Variants in PPFIA3 observed in about 807,000 individuals in gnomAD.
PPFIA3 encodes liprin-alpha-3.
A neutral mutation model predicts 145.8 loss-of-function variants in PPFIA3; 26 were observed. The ratio of observed to expected loss-of-function variants is 0.18; its 90% confidence interval spans 0.13 to 0.25. The LOEUF (loss-of-function observed/expected upper bound fraction) is 0.25. Ranked by LOEUF, PPFIA3 falls within the 10% of genes least tolerant of loss-of-function variation. The pLI, the probability that PPFIA3 is intolerant of heterozygous loss-of-function variation, is 1.00. For missense variants in PPFIA3, 1,008 were observed against 1,587.8 expected (o/e 0.63, Z 6.21); for synonymous variants, 645 against 661.4 (o/e 0.98, Z 0.38).
chr19:49,128,732 T>G lies in PPFIA3; in HGVS notation c.343-116T>G. ...CTCTTTTCCTGACCTGTCTCGGTGCTCCTTTATATGGCTCCATCTTTTCCT... is the reference window on the plus strand; with the variant it reads ...CTCTTTTCCTGACCTGTCTCGGTGCGCCTTTATATGGCTCCATCTTTTCCT... On this transcript the variant is annotated intron_variant, in intron 3 of 29. Transcript: ENST00000334186. This position sits in a 1 kb window ranked among gnomAD's most constrained non-coding sequence, Gnocchi z 4.1. The G allele has an allele frequency of 9.3e-7, 1 of 1,070,308 alleles. No homozygotes were observed. The highest frequency in any genetic ancestry group is 1.6e-5 in the South Asian group (1 of 63,694). The allele number at this position is 1,070,308 out of a possible 1,614,324, so 66.3% of individuals were successfully genotyped here.
rs1004739799 is a variant in PPFIA3 at position 49,120,525 on chromosome 19, GC to G, written c.-16+807del. Among the ~76,000 whole-genome samples the G allele has an allele frequency of 6.6e-6, 1 of 152,122 alleles. No homozygotes were observed. Among genetic ancestry groups the G allele is most frequent in the African/African-American group, 2.4e-5 (1 of 41,410 alleles). On this transcript the variant is annotated intron_variant, in intron 1 of 29. Coordinates refer to ENST00000334186, the MANE Select transcript of PPFIA3 (RefSeq NM_003660.4). This position sits in a 1 kb window ranked among gnomAD's most constrained non-coding sequence, Gnocchi z 4.6. ...CCTGTCCGTGTCTACACCTCTGCTG[GC>G]CCCAGGTGGTAGCCCTCACCCCGTC...
chr19:49,133,738 C>T lies in PPFIA3; in HGVS notation c.1162-58C>T. ...GCGCTCAGCCTTGGAGGAGGTGGGG[C>T]TGGGAGCCTGACTGATCCTGGAAGG... is the stretch of plus-strand genomic sequence containing the variant. On this transcript the variant is annotated intron_variant, in intron 9 of 29. Coordinates refer to ENST00000334186, the MANE Select transcript of PPFIA3 (RefSeq NM_003660.4). This position sits in a 1 kb window ranked among gnomAD's most constrained non-coding sequence, Gnocchi z 7.2. The T allele has an allele frequency of 1.3e-6, 2 of 1,554,512 alleles. No homozygotes were observed. Among genetic ancestry groups the T allele is most frequent in the Admixed American group, 3.5e-5 (2 of 56,622 alleles).
chr19:49,131,697 C>CT lies in PPFIA3; in HGVS notation c.879+1101dup, dbSNP rs549666774. On this transcript the variant is annotated intron_variant, in intron 7 of 29. Coordinates refer to ENST00000334186, the MANE Select transcript of PPFIA3 (RefSeq NM_003660.4). ...ATTAGCCGGGCGTGGTGGTGGGTGCCTTTAGTCCCAGCCACTAGAGAGGCT... is the reference window on the plus strand; with the variant it reads ...ATTAGCCGGGCGTGGTGGTGGGTGCCTTTTAGTCCCAGCCACTAGAGAGGCT... Among the ~76,000 whole-genome samples, 426 of 151,892 alleles carry CT rather than the reference C, an allele frequency of 2.8e-3. 1 individual carries two copies. Among genetic ancestry groups the CT allele is most frequent in the Non-Finnish European group, 4.7e-3 (319 of 67,960 alleles).
rs751131983 is a variant in PPFIA3 at position 49,141,525 on chromosome 19, TGA to T, written c.2462+14_2462+15del. On this transcript the variant is annotated intron_variant, in intron 19 of 29. Coordinates refer to ENST00000334186, the MANE Select transcript of PPFIA3 (RefSeq NM_003660.4). ...AGGAACAAGAGGAAGTGAGTGTGTG[TGA>T]GTGTGAGCGTGTGTGTGTGTATGTG... The T allele has an allele frequency of 2.5e-6, 4 of 1,607,010 alleles. No individual in the cohort carries two copies. Among genetic ancestry groups the T allele is most frequent in the Non-Finnish European group, 3.4e-6 (4 of 1,173,914 alleles).
intron 1 of PPFIA3, among the ~76,000 whole-genome samples, chr19:49,125,939 TTTTG>T (rs1487965527): frequency 4.7e-5 from 7 of 150,480 alleles, no homozygotes; most frequent in Non-Finnish European, 5.9e-5. Flanking sequence ...TTTTGTTTTT[TTTTG>T]TTTGTTTGTT....
At chr19:49,127,722 TG>T in intron 1 of PPFIA3, 136 bp from the exon 2 acceptor site, 1 of 999,212 alleles carries the variant, frequency 1.0e-6, no homozygotes, top group Non-Finnish European at 1.4e-6. Context: ...TCACAGTGCC[TG>T]GGCCTCAGTT....
Position 49,146,200 on chromosome 19 carries a change from G to C in PPFIA3, c.2835+8G>C, listed in dbSNP as rs765154049. The stretch of plus-strand genomic sequence containing the variant: ...GAGATCAGCTGGGAGCAGGTAGGGG[G>C]CGCGGGGCGGGGCGTGAGCGCATGA... On this transcript the variant is annotated splice_region_variant and intron_variant, in intron 23 of 29. Coordinates refer to ENST00000334186, the MANE Select transcript of PPFIA3 (RefSeq NM_003660.4). 1 of 1,613,760 alleles carries C rather than the reference G, an allele frequency of 6.2e-7. No individual in the cohort carries two copies. The highest frequency in any genetic ancestry group is 8.5e-7 in the Non-Finnish European group (1 of 1,179,894).
At chr19:49,147,686 A>AAGAAAGAGAG (rs1555745404) in intron 23 of PPFIA3, among the ~76,000 whole-genome samples, 1 of 145,710 alleles carries the variant, frequency 6.9e-6, no homozygotes. Context: ...CTCTTTCAGA[A>AAGAAAGAGAG]AGAGAGAGAG....
Position 49,146,203 on chromosome 19 carries a change from C to T in PPFIA3, c.2835+11C>T. 2 of 1,613,270 alleles carry T rather than the reference C, an allele frequency of 1.2e-6. No individual in the cohort carries two copies. Among genetic ancestry groups the T allele is most frequent in the Non-Finnish European group, 1.7e-6 (2 of 1,179,714 alleles). ...ATCAGCTGGGAGCAGGTAGGGGGCG[C>T]GGGGCGGGGCGTGAGCGCATGAACA... On this transcript the variant is annotated intron_variant, in intron 23 of 29. Transcript: ENST00000334186.
In PPFIA3 at chr19:49,149,466, C is replaced by G. The variant is rs545109410; in HGVS notation, c.3355-81C>G. On this transcript the variant is annotated intron_variant, in intron 27 of 29. Transcript: ENST00000334186. This position sits in a 1 kb window ranked among gnomAD's most constrained non-coding sequence, Gnocchi z 5.7. ...GCGGGGTTAAAGGAGAGGTGAGACC[C>G]GGAGAGGGGTGGAGTCAAAGGAAGG... is the stretch of plus-strand genomic sequence containing the variant. The G allele has an allele frequency of 3.8e-6, 6 of 1,590,352 alleles. No homozygotes were observed. The highest frequency in any genetic ancestry group is 4.3e-6 in the Non-Finnish European group (5 of 1,161,678).
At chr19:49,127,763 A>T (rs533176554) in intron 1 of PPFIA3, 96 bp from the exon 2 acceptor site, 1 of 1,451,074 alleles carries the variant, frequency 6.9e-7, no homozygotes, top group South Asian at 1.3e-5. Context: ...TTTGCCCCCA[A>T]CTATTTCCCC....
At chr19:49,121,755 G>A (rs965424672) in intron 1 of PPFIA3, among the ~76,000 whole-genome samples, 1 of 152,010 alleles carries the variant, frequency 6.6e-6, no homozygotes, top group Admixed American at 6.6e-5. Flanking sequence ...CAGCCTGAAC[G>A]ACAAGAGCGA....
At chr19:49,134,359 A>C (rs1220239536) in intron 11 of PPFIA3, among the ~76,000 whole-genome samples, 194 bp downstream of exon 11, 1 of 152,156 alleles carries the variant, frequency 6.6e-6, no homozygotes, top group Non-Finnish European at 1.5e-5. Flanking sequence ...CAAGAGCCGA[A>C]TTCTGGGGCA....
In PPFIA3 at chr19:49,128,117, TGGGCGGGACAGGGGC is replaced by T. The variant is rs778622915; in HGVS notation, c.240+8_240+22del. On this transcript the variant is annotated splice_donor_5th_base_variant and intron_variant, in intron 2 of 29. Coordinates refer to ENST00000334186, the MANE Select transcript of PPFIA3 (RefSeq NM_003660.4). This position sits in a 1 kb window ranked among gnomAD's most constrained non-coding sequence, Gnocchi z 4.1. ...GCTCAGCATCGCGCTGCCCCAGGTCTGGGCGGGACAGGGGCGGGGCATGAGGGGGCGGGGCCTCGG... is the reference window on the plus strand; with the variant it reads ...GCTCAGCATCGCGCTGCCCCAGGTCTGGGGCATGAGGGGGCGGGGCCTCGG... The T allele has an allele frequency of 1.1e-4, 74 of 692,400 alleles. No individual in the cohort carries two copies. Among genetic ancestry groups the T allele is most frequent in the Non-Finnish European group, 1.5e-4 (71 of 487,814 alleles). 42.9% of individuals were successfully genotyped at this position (692,400 alleles called of 1,614,324 possible).
intron 21 of PPFIA3, 183 bp from the exon 22 acceptor site, chr19:49,145,760 T>C: frequency 1.6e-6 from 1 of 619,980 alleles, no homozygotes; most frequent in South Asian, 1.9e-5. Flanking sequence ...AACTCCAAAG[T>C]CACATTGCCT....
At position 49,128,138 on chromosome 19, in the gene PPFIA3, A is replaced by C. The variant is rs1340319658; in HGVS notation, c.240+25A>C. ...GGTCTGGGCGGGACAGGGGCGGGGCATGAGGGGGCGGGGCCTCGGGGGGAA... is the reference window on the plus strand; with the variant it reads ...GGTCTGGGCGGGACAGGGGCGGGGCCTGAGGGGGCGGGGCCTCGGGGGGAA... On this transcript the variant is annotated intron_variant, in intron 2 of 29. Transcript: ENST00000334186. This position sits in a 1 kb window ranked among gnomAD's most constrained non-coding sequence, Gnocchi z 4.1. 4.1e-6 allele frequency: 2 copies of C among 491,084 alleles called. No homozygotes were observed. Among genetic ancestry groups the C allele is most frequent in the African/African-American group, 2.1e-5 (1 of 47,740 alleles). 30.4% of individuals were successfully genotyped at this position (491,084 alleles called of 1,614,324 possible).
intron 23 of PPFIA3, among the ~76,000 whole-genome samples, chr19:49,147,393 T>TA (rs2041292315): frequency 6.6e-6 from 1 of 151,852 alleles, no homozygotes; most frequent in South Asian, 2.1e-4. Context: ...CTCTAAAAAA[T>TA]AAACAAATAC....
At chr19:49,141,615 T>TGA (rs919834150) in intron 19 of PPFIA3, 102 bp downstream of exon 19, 28 of 912,780 alleles carry the variant, frequency 3.1e-5, no homozygotes, top group African/African-American at 3.4e-5. Flanking sequence ...TGTGTGTGTG[T>TGA]GAGAGGGTGT....
chr19:49,122,878 C>T (rs1441632309), intron 1 of PPFIA3, among the ~76,000 whole-genome samples: 7 of 151,662 alleles, frequency 4.6e-5, no homozygotes, highest in South Asian at 2.1e-4. Context: ...CCCACCACCA[C>T]GCCCGGCTAA....
Sources: allele counts gnomAD v4.1 joint callset (sites outside exome capture counted in the v4.1 genomes callset), GRCh38; gene constraint gnomAD v4.1.1; non-coding constraint Gnocchi (gnomAD v3.1); transcripts MANE v1.5; gene names NCBI Gene and HGNC (gene_info 2026-07-23, HGNC 2026-07-21).